The following TC2N variants were observed in gnomAD, a reference collection of about 807,000 sequenced individuals.
TC2N encodes the protein tandem C2 domains nuclear protein.
Under a neutral mutation model 61.9 loss-of-function variants are expected in TC2N, and 51 were observed. The observed-to-expected ratio is 0.82, with a 90% CI of 0.66 to 1.04. TC2N has a LOEUF of 1.04. Among genes scored for constraint, TC2N ranks in the 50% least tolerant of loss-of-function variants. TC2N has a pLI of 0.00. For missense variants in TC2N, 556 were observed against 566.7 expected, an observed-to-expected ratio of 0.98 and a Z score of 0.19; for synonymous variants, 204 against 192.6, an observed-to-expected ratio of 1.06 and a Z score of -0.49.
intron 1 of TC2N, among the ~76,000 whole-genome samples, chr14:91,825,575 A>G (rs188865486): frequency 2.8e-4 from 42 of 152,274 alleles, no homozygotes; most frequent in African/African-American, 9.6e-4. Context: ...ATCTTCCACT[A>G]CTTCCTTCTG....
rs1472651223 is a variant in TC2N, at chr14:91,782,195, T to C, written c.*905A>G. ...ATTTGTTACACAGTATAATCAGGTA[T>C]GGTTATGAAAAAAATGAGAAAATAC... On this transcript the variant is annotated 3_prime_UTR_variant, in exon 12 of 12. Coordinates refer to ENST00000435962, the MANE Select transcript of TC2N (RefSeq NM_001128596.3). The C allele has an allele frequency of 6.6e-6, 1 of 151,912 alleles. No individual in the cohort carries two copies. Among genetic ancestry groups the C allele is most frequent in the Non-Finnish European group, 1.5e-5 (1 of 67,880 alleles). The allele number at this position is 151,912 out of a possible 1,614,324, so 9.4% of individuals were successfully genotyped here.
At chr14:91,829,498 C>T (rs576856849) in intron 1 of TC2N, among the ~76,000 whole-genome samples, 1 of 152,212 alleles carries the variant, frequency 6.6e-6, no homozygotes, top group African/African-American at 2.4e-5. Context: ...TTTATTACTG[C>T]ATTTTTCATT....
At chr14:91,855,194 C>A (rs562254568) in intron 1 of TC2N, among the ~76,000 whole-genome samples, 2 of 152,296 alleles carry the variant, frequency 1.3e-5, no homozygotes, top group East Asian at 3.9e-4. Flanking sequence ...TCCCACCTTC[C>A]ACTCCCAAAT....
At chr14:91,792,992 C>A (rs1434304478) in intron 8 of TC2N, among the ~76,000 whole-genome samples, 4 of 152,110 alleles carry the variant, frequency 2.6e-5, no homozygotes, top group Admixed American at 2.6e-4. Flanking sequence ...TGAATTGTTT[C>A]TTTAAAGGAG....
intron 8 of TC2N, among the ~76,000 whole-genome samples, chr14:91,794,868 G>T (rs1403382518): frequency 3.9e-5 from 6 of 152,178 alleles, no homozygotes; most frequent in African/African-American, 1.4e-4. Flanking sequence ...GCCATAGATA[G>T]TGATTCCTCT....
At position 91,793,878 on chromosome 14, in the gene TC2N, T is replaced by C. The variant is rs193028494; in HGVS notation, c.856-1320A>G. On this transcript the variant is annotated intron_variant, in intron 8 of 11. Transcript: ENST00000435962. ...CTTTAAATCAAAAGCTAGAAATGAC[T>C]AAGCTTAGTGAGGAAGCTATGCTGA... 5.2e-4 allele frequency among the ~76,000 whole-genome samples: 79 copies of C among 152,280 alleles called. 1 individual carries two copies. Among genetic ancestry groups the C allele is most frequent in the Non-Finnish European group, 1.3e-4 (9 of 68,008 alleles).
At chr14:91,849,450 A>C (rs1205293613) in intron 1 of TC2N, among the ~76,000 whole-genome samples, 1 of 152,224 alleles carries the variant, frequency 6.6e-6, no homozygotes, top group Non-Finnish European at 1.5e-5. Flanking sequence ...AGAGATGGTG[A>C]AGGATTCCAA....
chr14:91,835,423 G>A (rs1699039593), intron 1 of TC2N, among the ~76,000 whole-genome samples: 2 of 152,078 alleles, frequency 1.3e-5, no homozygotes, highest in Admixed American at 6.5e-5. Flanking sequence ...ATATTAATCA[G>A]GGAAAACAAA....
At chr14:91,838,500 G>A (rs892369366) in intron 1 of TC2N, among the ~76,000 whole-genome samples, 3 of 152,160 alleles carry the variant, frequency 2.0e-5, no homozygotes, top group Non-Finnish European at 4.4e-5. Context: ...AGATTCATGT[G>A]TTAGTTGAAT....
In TC2N at chr14:91,787,433, C is replaced by T; in HGVS notation, c.1162+80G>A. On this transcript the variant is annotated intron_variant, in intron 10 of 11. Coordinates refer to ENST00000435962, the MANE Select transcript of TC2N (RefSeq NM_001128596.3). ...TAAAAGTTACTAAGATTTTAATCTC[C>T]ATTGTAAGAAATGTAAAAAAAATAC... The T allele has an allele frequency of 4.1e-6, 3 of 737,928 alleles. No individual in the cohort carries two copies. In the South Asian group the frequency reaches 6.2e-5, roughly 15 times the overall value. 45.7% of individuals were successfully genotyped at this position (737,928 alleles called of 1,614,324 possible). A position where few individuals can be genotyped will look rare whatever the true frequency, so the allele number is the denominator to read the frequency against.
chr14:91,847,081 A>G (rs1888285421), intron 1 of TC2N, among the ~76,000 whole-genome samples: 1 of 152,160 alleles, frequency 6.6e-6, no homozygotes, highest in Non-Finnish European at 1.5e-5. Flanking sequence ...AACGTGGTGA[A>G]ACACCATTCT....
Position 91,858,152 on chromosome 14 carries a change from CTTTTTTT to C in TC2N, c.-57+9103_-57+9109del, listed in dbSNP as rs56379239. On this transcript the variant is annotated intron_variant, in intron 1 of 11. Transcript: ENST00000435962. ...GGCTGATTCTTTCTTTCTTCTTCTT[CTTTTTTT>C]TTTTTTTTTTTTTGGTAAAGATGGG... Among the ~76,000 whole-genome samples the C allele has an allele frequency of 1.0e-3, 93 of 92,346 alleles. 1 individual carries two copies. Among genetic ancestry groups the C allele is most frequent in the African/African-American group, 3.3e-3 (83 of 25,048 alleles). The allele number at this position is 92,346 out of a possible 152,430, so 60.6% of individuals were successfully genotyped here.
chr14:91,834,848 T>G (rs74860892), intron 1 of TC2N, among the ~76,000 whole-genome samples: 1,638 of 152,316 alleles, frequency 0.011, 31 homozygotes, highest in African/African-American at 0.035. Context: ...TTCCCCATCC[T>G]TGGTCTTGCC....
intron 3 of TC2N, among the ~76,000 whole-genome samples, chr14:91,807,173 G>A (rs547420931): frequency 6.6e-6 from 1 of 152,246 alleles, no homozygotes; most frequent in African/African-American, 2.4e-5. Flanking sequence ...CCAGGCAAAC[G>A]TTTGCTGCAG....
intron 3 of TC2N, 58 bp from the exon 4 acceptor site, chr14:91,802,479 C>A (rs1214374353): frequency 3.3e-5 from 50 of 1,520,592 alleles, no homozygotes; most frequent in Non-Finnish European, 4.2e-5. Context: ...TATTAGCCAA[C>A]AGCTGGTACA....
intron 1 of TC2N, among the ~76,000 whole-genome samples, chr14:91,835,931 G>A (rs1042733898): frequency 7.9e-5 from 12 of 152,114 alleles, no homozygotes; most frequent in African/African-American, 2.4e-4. Context: ...CTGGGCTGGG[G>A]TCTCCACCGT....
intron 3 of TC2N, among the ~76,000 whole-genome samples, chr14:91,807,173 G>T (rs547420931): frequency 6.6e-6 from 1 of 152,246 alleles, no homozygotes; most frequent in Non-Finnish European, 1.5e-5. Flanking sequence ...CCAGGCAAAC[G>T]TTTGCTGCAG....
At chr14:91,810,395 T>A (rs141218299) in intron 3 of TC2N, among the ~76,000 whole-genome samples, 1 of 151,140 alleles carries the variant, frequency 6.6e-6, no homozygotes, top group Non-Finnish European at 1.5e-5. Flanking sequence ...AGAAGAGAAG[T>A]AGGAAGGGAG....
intron 1 of TC2N, among the ~76,000 whole-genome samples, chr14:91,846,355 C>G (rs550169154): frequency 6.6e-6 from 1 of 152,214 alleles, no homozygotes; most frequent in Non-Finnish European, 1.5e-5. Flanking sequence ...AGGACCAAGA[C>G]AGAAGATCAA....
Sources: allele counts gnomAD v4.1 joint callset (sites outside exome capture counted in the v4.1 genomes callset), GRCh38; gene constraint gnomAD v4.1.1; transcripts MANE v1.5; gene names NCBI Gene and HGNC (gene_info 2026-07-23, HGNC 2026-07-21).